Variants in CACNA2D3 observed in about 807,000 individuals in gnomAD.
CACNA2D3 encodes the protein voltage-dependent calcium channel subunit alpha-2/delta-3.
Under a neutral mutation model 160.6 loss-of-function variants are expected in CACNA2D3, and 60 were observed. That is an observed-to-expected ratio of 0.37 (90% confidence interval 0.30 to 0.46). The LOEUF (loss-of-function observed/expected upper bound fraction) is 0.46, where lower values mean the gene tolerates loss of function less well. CACNA2D3 is among the 20% of genes least tolerant of loss of function. The pLI is 1.00. For missense variants in CACNA2D3, 1,205 were observed against 1,365.0 expected (o/e 0.88, Z 1.85); for synonymous variants, 558 against 492.9 (o/e 1.13, Z -1.75).
chr3:54,296,962 C>T (rs1411551494), intron 2 of CACNA2D3, among the ~76,000 whole-genome samples: 1 of 152,192 alleles, frequency 6.6e-6, no homozygotes, highest in Non-Finnish European at 1.5e-5. Context: ...GGGTACCTTT[C>T]TGCATACCTC....
At chr3:54,537,808 C>A (rs545318173) in intron 5 of CACNA2D3, among the ~76,000 whole-genome samples, 1 of 152,138 alleles carries the variant, frequency 6.6e-6, no homozygotes, top group Non-Finnish European at 1.5e-5. Context: ...AGCATACCAG[C>A]GGCTCACTCC....
At chr3:54,448,186 A>C (rs761928476) in intron 4 of CACNA2D3, among the ~76,000 whole-genome samples, 4 of 152,194 alleles carry the variant, frequency 2.6e-5, no homozygotes, top group Non-Finnish European at 5.9e-5. Flanking sequence ...ATCCAAGCCC[A>C]GTGGGAAAGA....
At position 54,890,444 on chromosome 3, in the gene CACNA2D3, C is replaced by A. The variant is rs917485160; in HGVS notation, c.2151-911C>A. On this transcript the variant is annotated intron_variant, in intron 24 of 37. Coordinates refer to ENST00000474759, the MANE Select transcript of CACNA2D3 (RefSeq NM_018398.3). ...CCGGGAGGCGGAGCTTGCAGTGAGCCGAGATAGCGCCATTGCACTCCAGCC... is the reference window on the plus strand; with the variant it reads ...CCGGGAGGCGGAGCTTGCAGTGAGCAGAGATAGCGCCATTGCACTCCAGCC... 2.2e-5 allele frequency among the ~76,000 whole-genome samples: 3 copies of A among 139,182 alleles called. 1 individual carries two copies. The highest frequency in any genetic ancestry group is 4.4e-4 in the South Asian group (2 of 4,522). The allele number at this position is 139,182 out of a possible 152,430, so 91.3% of individuals were successfully genotyped here.
At chr3:55,071,639 A>G (rs1704812230) in intron 35 of CACNA2D3, among the ~76,000 whole-genome samples, 1 of 152,102 alleles carries the variant, frequency 6.6e-6, no homozygotes, top group Admixed American at 6.5e-5. Context: ...TTTCTAGGGA[A>G]GCTTTTAGGA....
At chr3:54,502,293 T>A (rs1701307204) in intron 4 of CACNA2D3, among the ~76,000 whole-genome samples, 1 of 152,254 alleles carries the variant, frequency 6.6e-6, no homozygotes, top group South Asian at 2.1e-4. Flanking sequence ...CTCACAATTC[T>A]TGGATATTCT....
chr3:54,522,988 A>G (rs1184966006), intron 5 of CACNA2D3, among the ~76,000 whole-genome samples: 2 of 151,902 alleles, frequency 1.3e-5, no homozygotes, highest in East Asian at 1.9e-4. Context: ...CAACCTACCT[A>G]TTGTTCTGGC....
intron 11 of CACNA2D3, among the ~76,000 whole-genome samples, chr3:54,716,696 G>C (rs1411448182): frequency 6.6e-6 from 1 of 152,082 alleles, no homozygotes. Context: ...TATCAGTTTA[G>C]GAACAAAAGT....
At chr3:54,431,407 G>T (rs1699988679) in intron 4 of CACNA2D3, among the ~76,000 whole-genome samples, 1 of 151,908 alleles carries the variant, frequency 6.6e-6, no homozygotes, top group Non-Finnish European at 1.5e-5. Flanking sequence ...AATGAAAGTG[G>T]ATCAATCATA....
chr3:54,717,602 G>A (rs551708664), intron 11 of CACNA2D3, among the ~76,000 whole-genome samples: 12 of 139,500 alleles, frequency 8.6e-5, no homozygotes, highest in African/African-American at 2.9e-4. Flanking sequence ...GCATACATTC[G>A]TGTGTGTGGT....
At chr3:54,834,299 T>C (rs1335153459) in intron 14 of CACNA2D3, among the ~76,000 whole-genome samples, 1 of 152,196 alleles carries the variant, frequency 6.6e-6, no homozygotes, top group Admixed American at 6.5e-5. Flanking sequence ...AGTTGCAAAG[T>C]GGAAGTTGTG....
chr3:54,543,845 T>C (rs375872051), intron 5 of CACNA2D3, among the ~76,000 whole-genome samples: 2 of 152,260 alleles, frequency 1.3e-5, no homozygotes, highest in East Asian at 1.9e-4. Context: ...AAGATGCCTC[T>C]GTGCATCTGT....
chr3:54,559,087 A>G (rs916843711), intron 5 of CACNA2D3, among the ~76,000 whole-genome samples: 43 of 152,028 alleles, frequency 2.8e-4, no homozygotes, highest in African/African-American at 9.9e-4. Flanking sequence ...CAAACTTTTC[A>G]TCCTGACACT....
At chr3:54,848,403 C>T (rs1340814146) in intron 17 of CACNA2D3, among the ~76,000 whole-genome samples, 2 of 152,168 alleles carry the variant, frequency 1.3e-5, no homozygotes, top group Non-Finnish European at 2.9e-5. Context: ...AGGATTTTGG[C>T]CATGCCATAC....
At chr3:54,667,305 T>A (rs934060890) in intron 11 of CACNA2D3, among the ~76,000 whole-genome samples, 1 of 151,998 alleles carries the variant, frequency 6.6e-6, no homozygotes, top group Non-Finnish European at 1.5e-5. Flanking sequence ...TATGAATTGG[T>A]TTTCAAGACT....
intron 17 of CACNA2D3, among the ~76,000 whole-genome samples, chr3:54,868,786 T>G (rs893577595): frequency 1.7e-4 from 26 of 152,232 alleles, no homozygotes; most frequent in African/African-American, 6.3e-4. Flanking sequence ...TTGAATGGTC[T>G]TCTTCATTTC....
intron 2 of CACNA2D3, among the ~76,000 whole-genome samples, chr3:54,232,509 C>T (rs2107394705): frequency 6.6e-6 from 1 of 152,248 alleles, no homozygotes; most frequent in South Asian, 2.1e-4. Flanking sequence ...TTTTTAAACT[C>T]AAAAGGAAAC....
intron 30 of CACNA2D3, among the ~76,000 whole-genome samples, chr3:54,985,738 G>C (rs1215557167): frequency 6.6e-6 from 1 of 152,212 alleles, no homozygotes; most frequent in African/African-American, 2.4e-5. Flanking sequence ...GTCCTTAAGT[G>C]TGGCTTCTTA....
At chr3:54,975,395 T>A (rs1165104770) in intron 29 of CACNA2D3, among the ~76,000 whole-genome samples, 1 of 152,018 alleles carries the variant, frequency 6.6e-6, no homozygotes, top group Non-Finnish European at 1.5e-5. Flanking sequence ...GGTGTGCACC[T>A]GTAGTCTCAG....
At chr3:54,437,052 C>G (rs1045693708) in intron 4 of CACNA2D3, among the ~76,000 whole-genome samples, 1 of 152,160 alleles carries the variant, frequency 6.6e-6, no homozygotes, top group African/African-American at 2.4e-5. Context: ...ATTGTCACAC[C>G]TAGAGCAACC....
Sources: allele counts gnomAD v4.1 joint callset (sites outside exome capture counted in the v4.1 genomes callset), GRCh38; gene constraint gnomAD v4.1.1; transcripts MANE v1.5; gene names NCBI Gene and HGNC (gene_info 2026-07-23, HGNC 2026-07-21).